SLC8A1: variants seen among roughly 807,000 people sequenced by gnomAD.
SLC8A1 encodes the protein sodium/calcium exchanger 1.
SLC8A1 carries 18 observed loss-of-function variants against 68.3 expected under a neutral mutation model. That is an observed-to-expected ratio of 0.26 (90% CI 0.18 to 0.39). The LOEUF (loss-of-function observed/expected upper bound fraction) is 0.39, where lower values mean the gene tolerates loss of function less well. Ranked by LOEUF, SLC8A1 falls within the 10% of genes least tolerant of loss-of-function variation. SLC8A1 has a pLI of 1.00. For synonymous variants in SLC8A1, 475 were observed against 415.5 expected, an observed-to-expected ratio of 1.14 and a Z score of -1.74; for missense variants, 985 against 1,156.7, an observed-to-expected ratio of 0.85 and a Z score of 2.15.
chr2:40,183,851 A>G (rs972356287), intron 2 of SLC8A1, among the ~76,000 whole-genome samples: 2 of 152,210 alleles, frequency 1.3e-5, no homozygotes, highest in African/African-American at 4.8e-5. Flanking sequence ...GGAGCCCAGC[A>G]TGAATATATT....
intron 1 of SLC8A1, among the ~76,000 whole-genome samples, chr2:40,497,045 G>T (rs957297561): frequency 6.6e-6 from 1 of 151,280 alleles, no homozygotes. Flanking sequence ...TGCACAATGT[G>T]CACATGTACC....
At chr2:40,412,801 G>C (rs1399190713) in intron 2 of SLC8A1, among the ~76,000 whole-genome samples, 1 of 152,096 alleles carries the variant, frequency 6.6e-6, no homozygotes, top group Non-Finnish European at 1.5e-5. Flanking sequence ...ATTTTACTAT[G>C]GATGAAAACT....
chr2:40,297,266 T>G (rs2070570988), intron 2 of SLC8A1, among the ~76,000 whole-genome samples: 1 of 152,184 alleles, frequency 6.6e-6, no homozygotes, highest in Non-Finnish European at 1.5e-5. Context: ...GTTCATAAAC[T>G]ATTGGGAGAG....
At chr2:40,444,703 T>G (rs942949886) in intron 1 of SLC8A1, among the ~76,000 whole-genome samples, 1 of 152,210 alleles carries the variant, frequency 6.6e-6, no homozygotes, top group Non-Finnish European at 1.5e-5. Flanking sequence ...AAAAGAATAT[T>G]GCATGATGTG....
chr2:40,407,313 G>T (rs574688326), intron 2 of SLC8A1, among the ~76,000 whole-genome samples: 1 of 152,136 alleles, frequency 6.6e-6, no homozygotes, highest in African/African-American at 2.4e-5. Context: ...TGATCTGCCC[G>T]CCTCGGCCTC....
intron 2 of SLC8A1, among the ~76,000 whole-genome samples, chr2:40,231,676 C>T (rs1574413111): frequency 2.0e-5 from 3 of 152,218 alleles, no homozygotes; most frequent in Admixed American, 1.3e-4. Flanking sequence ...TATATTCTCT[C>T]ATCTCTTTCA....
intron 2 of SLC8A1, among the ~76,000 whole-genome samples, chr2:40,248,587 G>GTTCT (rs2062234719): frequency 6.6e-6 from 1 of 152,158 alleles, no homozygotes; most frequent in African/African-American, 2.4e-5. Flanking sequence ...CTAGTCTATG[G>GTTCT]TTCTTTGTTA....
chr2:40,221,681 G>A (rs1028972446), intron 2 of SLC8A1, among the ~76,000 whole-genome samples: 1 of 152,118 alleles, frequency 6.6e-6, no homozygotes, highest in East Asian at 1.9e-4. Flanking sequence ...CAAAGTCTCT[G>A]GATACAAAAT....
intron 2 of SLC8A1, among the ~76,000 whole-genome samples, chr2:40,240,564 C>T (rs1043398638): frequency 5.9e-5 from 9 of 152,210 alleles, no homozygotes; most frequent in African/African-American, 2.2e-4. Flanking sequence ...CTCTATTGTT[C>T]ACATGTTTGG....
chr2:40,413,912 T>C (rs1693004860), intron 2 of SLC8A1, among the ~76,000 whole-genome samples: 1 of 152,166 alleles, frequency 6.6e-6, no homozygotes, highest in Admixed American at 6.6e-5. Flanking sequence ...TCACTAGGTG[T>C]GCATGTAGTA....
At chr2:40,369,067 C>A (rs1484258439) in intron 2 of SLC8A1, among the ~76,000 whole-genome samples, 1 of 152,046 alleles carries the variant, frequency 6.6e-6, no homozygotes, top group Non-Finnish European at 1.5e-5. Flanking sequence ...AAATGTAAAA[C>A]CCCAAACTAT....
intron 2 of SLC8A1, among the ~76,000 whole-genome samples, chr2:40,306,435 A>T (rs922093551): frequency 7.0e-6 from 1 of 143,314 alleles, no homozygotes; most frequent in East Asian, 2.1e-4. Context: ...AAGGATAAAT[A>T]AAAAAAGGAA....
chr2:40,136,083 A>T (rs917281152), intron 7 of SLC8A1, among the ~76,000 whole-genome samples: 3 of 152,192 alleles, frequency 2.0e-5, no homozygotes, highest in African/African-American at 7.2e-5. Context: ...ATGGACCAAG[A>T]TGAGAAGAAG....
chr2:40,234,688 G>A lies in SLC8A1; in HGVS notation c.1809-56833C>T, dbSNP rs1190970584. ...TCCCTGTCTTGTGCCAGTTTTCAAA[G>A]GGAATGCTTCCAGTTTTTGCCCATT... is the stretch of plus-strand genomic sequence containing the variant. On this transcript the variant is annotated intron_variant, in intron 2 of 7. Transcript: ENST00000406785. 4.6e-5 allele frequency among the ~76,000 whole-genome samples: 7 copies of A among 152,284 alleles called. No homozygotes were observed. The East Asian group carries it at 1.2e-3, about 25-fold the overall frequency.
intron 2 of SLC8A1, among the ~76,000 whole-genome samples, chr2:40,425,372 T>C (rs1696585791): frequency 6.6e-6 from 1 of 151,894 alleles, no homozygotes; most frequent in Non-Finnish European, 1.5e-5. Context: ...GAATCTATCT[T>C]GTTTTTGGAA....
chr2:40,407,736 C>A (rs1295627207), intron 2 of SLC8A1, among the ~76,000 whole-genome samples: 1 of 152,198 alleles, frequency 6.6e-6, no homozygotes, highest in Non-Finnish European at 1.5e-5. Flanking sequence ...CTTCCTGGCA[C>A]TTTGTGAATA....
chr2:40,234,349 C>G lies in SLC8A1; in HGVS notation c.1809-56494G>C, dbSNP rs557958894. Among the ~76,000 whole-genome samples the G allele has an allele frequency of 3.9e-3, 600 of 151,904 alleles. 4 individuals carry two copies. Among genetic ancestry groups the G allele is most frequent in the Middle Eastern group, 0.031 (9 of 292 alleles). On this transcript the variant is annotated intron_variant, in intron 2 of 7. Transcript: ENST00000406785. ...AAGTTGGATTCCTAGGTATTTTATT[C>G]TCTTTGAAGCAATTGTGAATGGGAG...
chr2:40,485,031 A>C lies in SLC8A1; in HGVS notation c.-25+27318T>G, dbSNP rs552672457. Among the ~76,000 whole-genome samples the C allele has an allele frequency of 2.0e-5, 3 of 152,284 alleles. No homozygotes were observed. The South Asian group carries it at 6.2e-4, about 32-fold the overall frequency. Reference sequence around the variant, plus strand: ...TAAATTCAAAGAAGTCATCATACTAAAGAATAAGAGCTTGCTGGCCTTTTC... The same window carrying C: ...TAAATTCAAAGAAGTCATCATACTACAGAATAAGAGCTTGCTGGCCTTTTC... On this transcript the variant is annotated intron_variant, in intron 1 of 7. Coordinates refer to the SLC8A1 transcript ENST00000402441.
intron 1 of SLC8A1, among the ~76,000 whole-genome samples, chr2:40,432,847 G>C (rs964789956): frequency 2.0e-5 from 3 of 152,010 alleles, no homozygotes; most frequent in African/African-American, 7.3e-5. Context: ...GAAACAAGGA[G>C]ACCAGATTTT....
Sources: allele counts gnomAD v4.1 joint callset (sites outside exome capture counted in the v4.1 genomes callset), GRCh38; gene constraint gnomAD v4.1.1; transcripts MANE v1.5; gene names NCBI Gene and HGNC (gene_info 2026-07-23, HGNC 2026-07-21).